AGBL4: variants seen among roughly 807,000 people sequenced by gnomAD.
AGBL4 encodes the protein cytosolic carboxypeptidase 6.
AGBL4 carries 58 observed loss-of-function variants against 66.4 expected under a neutral mutation model. The observed-to-expected ratio is 0.87, with a 90% CI of 0.71 to 1.09. AGBL4 has a LOEUF of 1.09. Ranked by LOEUF, AGBL4 falls within the 50% of genes least tolerant of loss-of-function variation. The pLI, the probability that AGBL4 is intolerant of heterozygous loss-of-function variation, is 0.00. For synonymous variants in AGBL4, 234 were observed against 222.9 expected (o/e 1.05, Z -0.44); for missense variants, 579 against 631.0 (o/e 0.92, Z 0.88).
At chr1:49,005,285 T>C (rs889013681) in intron 5 of AGBL4, among the ~76,000 whole-genome samples, 2 of 152,224 alleles carry the variant, frequency 1.3e-5, no homozygotes, top group Non-Finnish European at 1.5e-5. Flanking sequence ...TCATTTTCCA[T>C]GGTTTCAGTT....
intron 2 of AGBL4, among the ~76,000 whole-genome samples, chr1:49,699,017 C>T (rs184631300): frequency 1.5e-4 from 23 of 152,080 alleles, no homozygotes; most frequent in Admixed American, 7.2e-4. Flanking sequence ...TTAGTGCTTG[C>T]TTAAGTTCAT....
chr1:49,832,080 T>C (rs1645701548), intron 2 of AGBL4, among the ~76,000 whole-genome samples: 1 of 151,994 alleles, frequency 6.6e-6, no homozygotes, highest in South Asian at 2.1e-4. Flanking sequence ...CGTGCCATGC[T>C]GGTGTGCTGC....
In AGBL4 at chr1:48,674,168, G is replaced by A. The variant is rs924464957; in HGVS notation, c.635-10927C>T. Reference sequence around the variant, plus strand: ...GTCCAGAGGACGCTCCTGGGTCCTCGGAGCTGGCTCCTTGGGGGCATTAGC... The same window carrying A: ...GTCCAGAGGACGCTCCTGGGTCCTCAGAGCTGGCTCCTTGGGGGCATTAGC... On this transcript the variant is annotated intron_variant, in intron 6 of 13. Transcript: ENST00000371839. Among the ~76,000 whole-genome samples the A allele has an allele frequency of 2.0e-5, 3 of 152,140 alleles. No individual in the cohort carries two copies. In the South Asian group the frequency reaches 6.2e-4, roughly 32 times the overall value.
At chr1:48,708,121 A>C (rs561054705) in intron 6 of AGBL4, among the ~76,000 whole-genome samples, 22 of 152,320 alleles carry the variant, frequency 1.4e-4, no homozygotes, top group African/African-American at 4.3e-4. Context: ...TCTTGGATAA[A>C]AATCACACAT....
At chr1:48,881,829 T>C (rs901813796) in intron 5 of AGBL4, among the ~76,000 whole-genome samples, 7 of 152,192 alleles carry the variant, frequency 4.6e-5, no homozygotes, top group East Asian at 1.9e-4. Flanking sequence ...CTGGAGAGGA[T>C]AGAAGGGTCC....
chr1:48,628,343 C>G (rs529600780), intron 9 of AGBL4, among the ~76,000 whole-genome samples: 2 of 152,228 alleles, frequency 1.3e-5, no homozygotes, highest in South Asian at 2.1e-4. Flanking sequence ...CTTGCTCCAG[C>G]GTTTTTGAGG....
At chr1:49,864,487 C>G (rs1040571062) in intron 1 of AGBL4, among the ~76,000 whole-genome samples, 12 of 152,090 alleles carry the variant, frequency 7.9e-5, no homozygotes, top group African/African-American at 2.2e-4. Context: ...ATCAGGCTCT[C>G]TCATTAGGAA....
chr1:49,898,156 A>T (rs1190395430), intron 1 of AGBL4, among the ~76,000 whole-genome samples: 1 of 152,134 alleles, frequency 6.6e-6, no homozygotes. Context: ...AAACGAAATA[A>T]TCAACAAAGT....
chr1:49,033,680 A>G (rs1664409631), intron 5 of AGBL4, among the ~76,000 whole-genome samples: 1 of 152,064 alleles, frequency 6.6e-6, no homozygotes, highest in Non-Finnish European at 1.5e-5. Context: ...CAAACTCTGT[A>G]TCTTCAACTC....
In AGBL4 at chr1:49,716,575, C is replaced by T. The variant is rs184185981; in HGVS notation, c.158-19138G>A. Reference sequence around the variant, plus strand: ...CCACAAGCACATCAAAAAGCTTATCCATCACAATCAAGTTGGCTTCATCCC... The same window carrying T: ...CCACAAGCACATCAAAAAGCTTATCTATCACAATCAAGTTGGCTTCATCCC... On this transcript the variant is annotated intron_variant, in intron 2 of 13. Coordinates refer to ENST00000371839, the MANE Select transcript of AGBL4 (RefSeq NM_032785.4). Among the ~76,000 whole-genome samples the T allele has an allele frequency of 2.5e-3, 378 of 152,132 alleles. 2 individuals carry two copies. Among genetic ancestry groups the T allele is most frequent in the Admixed American group, 6.2e-3 (94 of 15,264 alleles).
At chr1:49,056,499 G>C (rs750817840) in intron 4 of AGBL4, among the ~76,000 whole-genome samples, 1 of 152,154 alleles carries the variant, frequency 6.6e-6, no homozygotes, top group Non-Finnish European at 1.5e-5. Context: ...CTGAGCCAGA[G>C]AGAACAGCAA....
chr1:49,397,712 T>C (rs1477304419), intron 3 of AGBL4, among the ~76,000 whole-genome samples: 1 of 152,188 alleles, frequency 6.6e-6, no homozygotes, highest in Non-Finnish European at 1.5e-5. Context: ...TTATACTAGC[T>C]CCTTCTCATC....
intron 3 of AGBL4, among the ~76,000 whole-genome samples, chr1:49,499,457 C>T (rs2148760333): frequency 6.6e-6 from 1 of 151,844 alleles, no homozygotes; most frequent in African/African-American, 2.4e-5. Context: ...TGTTGGTGCA[C>T]CCACCACCCA....
chr1:49,048,141 G>A (rs1644125397), intron 4 of AGBL4, among the ~76,000 whole-genome samples: 1 of 152,166 alleles, frequency 6.6e-6, no homozygotes, highest in South Asian at 2.1e-4. Context: ...TTGACGGTCT[G>A]AGTTTGAGTC....
intron 5 of AGBL4, among the ~76,000 whole-genome samples, chr1:48,969,639 T>G (rs745459011): frequency 1.1e-4 from 16 of 152,184 alleles, no homozygotes; most frequent in Non-Finnish European, 2.1e-4. Flanking sequence ...TCTTTCCTTG[T>G]TTCCTAAATT....
At chr1:49,016,362 A>G (rs1180744694) in intron 5 of AGBL4, among the ~76,000 whole-genome samples, 1 of 152,198 alleles carries the variant, frequency 6.6e-6, no homozygotes, top group East Asian at 1.9e-4. Flanking sequence ...AAATAAATCT[A>G]TTTTAAGTGA....
chr1:49,488,770 C>G (rs1279768944), intron 3 of AGBL4, among the ~76,000 whole-genome samples: 2 of 151,784 alleles, frequency 1.3e-5, no homozygotes, highest in African/African-American at 4.8e-5. Context: ...TAATTTTTAG[C>G]TTCCACAAAT....
At position 49,291,092 on chromosome 1, in the gene AGBL4, G is replaced by A. The variant is rs963904584; in HGVS notation, c.283-45228C>T. On this transcript the variant is annotated intron_variant, in intron 3 of 13. Coordinates refer to ENST00000371839, the MANE Select transcript of AGBL4 (RefSeq NM_032785.4). ...TCTGCAGAGCTAACAGCAGATTTGCGGATGTGCAGATTTTTGGTATCCAAG... is the reference window on the plus strand; with the variant it reads ...TCTGCAGAGCTAACAGCAGATTTGCAGATGTGCAGATTTTTGGTATCCAAG... Among the ~76,000 whole-genome samples, 12 of 152,252 alleles carry A rather than the reference G, an allele frequency of 7.9e-5. No individual in the cohort carries two copies. The South Asian group carries it at 1.9e-3, about 24-fold the overall frequency.
At chr1:49,869,430 T>A (rs1011601956) in intron 1 of AGBL4, among the ~76,000 whole-genome samples, 2 of 152,140 alleles carry the variant, frequency 1.3e-5, no homozygotes, top group Non-Finnish European at 2.9e-5. Flanking sequence ...AGGAATGAGA[T>A]CATGTCCTTT....
Sources: gnomAD v4.1 joint callset for allele counts (sites outside exome capture counted in the v4.1 genomes callset) on GRCh38, gnomAD v4.1.1 for gene constraint, MANE v1.5 for transcripts, NCBI Gene and HGNC (gene_info 2026-07-23, HGNC 2026-07-21) for gene names.